UNC5D: variants seen among roughly 807,000 people sequenced by gnomAD.
UNC5D encodes the protein unc-5 netrin receptor D.
UNC5D carries 39 observed loss-of-function variants against 105.4 expected under a neutral mutation model. The observed-to-expected ratio is 0.37, with a 90% CI of 0.29 to 0.48. UNC5D has a LOEUF of 0.48. UNC5D is among the 20% of genes least tolerant of loss of function. The pLI is 0.98. For synonymous variants in UNC5D, 452 were observed against 450.4 expected (o/e 1.00, Z -0.04); for missense variants, 991 against 1,202.4 (o/e 0.82, Z 2.60).
At chr8:35,675,206 G>A (rs971840042) in intron 4 of UNC5D, among the ~76,000 whole-genome samples, 1 of 152,104 alleles carries the variant, frequency 6.6e-6, no homozygotes, top group African/African-American at 2.4e-5. Context: ...TCATTTCTAT[G>A]CTCAGCTCTG....
intron 1 of UNC5D, among the ~76,000 whole-genome samples, chr8:35,357,130 G>A (rs1801601562): frequency 6.6e-6 from 1 of 152,014 alleles, no homozygotes; most frequent in African/African-American, 2.4e-5. Flanking sequence ...TGATTTCCCT[G>A]TTAACCAGTT....
At chr8:35,720,750 G>A (rs1211040816) in intron 8 of UNC5D, among the ~76,000 whole-genome samples, 1 of 152,078 alleles carries the variant, frequency 6.6e-6, no homozygotes, top group African/African-American at 2.4e-5. Flanking sequence ...AGCTGGAATG[G>A]AAGTTTAAAT....
intron 1 of UNC5D, among the ~76,000 whole-genome samples, chr8:35,515,002 C>CA (rs1813018948): frequency 6.6e-6 from 1 of 152,182 alleles, no homozygotes; most frequent in Non-Finnish European, 1.5e-5. Context: ...TACCTGATAT[C>CA]AGAGTCCAGC....
intron 1 of UNC5D, among the ~76,000 whole-genome samples, chr8:35,466,713 A>AT (rs1448772361): frequency 3.3e-5 from 5 of 152,156 alleles, no homozygotes; most frequent in Non-Finnish European, 5.9e-5. Context: ...TAATTTACAG[A>AT]TTTTTTCATA....
At chr8:35,246,993 A>G (rs76842039) in intron 1 of UNC5D, among the ~76,000 whole-genome samples, 4,556 of 152,164 alleles carry the variant, frequency 0.03, 90 homozygotes, top group Non-Finnish European at 0.044. Context: ...AAATTTGTAC[A>G]TGAGAAAAAA....
In UNC5D at chr8:35,748,543, T is replaced by C; in HGVS notation, c.1783T>C (p.Ser595Pro). The C allele has an allele frequency of 6.2e-7, 1 of 1,613,920 alleles. No individual in the cohort carries two copies. The change falls in exon 12 of 17, where the codon TCT becomes CCT. Residue 595 changes from serine to proline, a missense_variant. Around this residue, in one of 3 missense-constraint regions of UNC5D, gnomAD observed 944 missense variants for 1,131.6 expected, o/e 0.83. Coordinates refer to ENST00000404895, the MANE Select transcript of UNC5D (RefSeq NM_080872.4). Reference sequence around the variant, plus strand: ...ACTGTGAAGCCTCCAGTCAGATGGCTCTGAGGTGCTCCTGAGTCCTGAAGT... The same window carrying C: ...ACTGTGAAGCCTCCAGTCAGATGGCCCTGAGGTGCTCCTGAGTCCTGAAGT... ...QGEPSLQSDG[S>P]EVLLSPEVTC...
intron 1 of UNC5D, among the ~76,000 whole-genome samples, chr8:35,510,126 A>C (rs1812596817): frequency 6.6e-6 from 1 of 151,944 alleles, no homozygotes; most frequent in Non-Finnish European, 1.5e-5. Context: ...TTTTCATTAC[A>C]TCCTTGGCTA....
chr8:35,360,905 T>C (rs1313356602), intron 1 of UNC5D, among the ~76,000 whole-genome samples: 1 of 152,154 alleles, frequency 6.6e-6, no homozygotes, highest in African/African-American at 2.4e-5. Context: ...AGAACTGTGA[T>C]TGGAACACTA....
chr8:35,391,056 G>A (rs1803740043), intron 1 of UNC5D, among the ~76,000 whole-genome samples: 1 of 152,192 alleles, frequency 6.6e-6, no homozygotes, highest in African/African-American at 2.4e-5. Context: ...TAACCAGGAA[G>A]TACAGGAGGG....
intron 1 of UNC5D, among the ~76,000 whole-genome samples, chr8:35,279,822 C>T (rs976389559): frequency 1.8e-4 from 27 of 152,268 alleles, no homozygotes; most frequent in Non-Finnish European, 4.0e-4. Flanking sequence ...TTCCAATTAG[C>T]TAGAGCAAAT....
At chr8:35,567,075 C>CAAA (rs374314252) in intron 2 of UNC5D, among the ~76,000 whole-genome samples, 3 of 126,636 alleles carry the variant, frequency 2.4e-5, no homozygotes, top group African/African-American at 8.7e-5. Context: ...TGTAAAGTAA[C>CAAA]AAAAAAAAAA....
chr8:35,307,734 G>C (rs1178791552), intron 1 of UNC5D, among the ~76,000 whole-genome samples: 1 of 152,128 alleles, frequency 6.6e-6, no homozygotes, highest in South Asian at 2.1e-4. Flanking sequence ...AGTCTTTTGG[G>C]TAGGTGAGGG....
chr8:35,637,423 C>T (rs1408669453), intron 4 of UNC5D, among the ~76,000 whole-genome samples: 6 of 152,196 alleles, frequency 3.9e-5, no homozygotes, highest in East Asian at 1.9e-4. Flanking sequence ...CTAAAATCTC[C>T]GAAGTACTTG....
chr8:35,563,036 G>A (rs1426326172), intron 2 of UNC5D, among the ~76,000 whole-genome samples: 3 of 151,782 alleles, frequency 2.0e-5, no homozygotes, highest in Non-Finnish European at 4.4e-5. Flanking sequence ...AGTTTTCCCG[G>A]AACCATTTAT....
chr8:35,760,192 G>A (rs1472619255), intron 14 of UNC5D, among the ~76,000 whole-genome samples: 9 of 151,776 alleles, frequency 5.9e-5, no homozygotes, highest in African/African-American at 1.9e-4. Flanking sequence ...ACAGGTGCCC[G>A]TCACCATGCC....
rs565997808 is a variant in UNC5D, at chr8:35,512,926, C to T, written c.104-36366C>T. ...GACCTCCGGACCTCAAGCAATCTGC[C>T]TACCTCAGCCTCCCAATGTGCTGGG... On this transcript the variant is annotated intron_variant, in intron 1 of 16. Transcript: ENST00000404895. Among the ~76,000 whole-genome samples, 139 of 152,050 alleles carry T rather than the reference C, an allele frequency of 9.1e-4. 1 individual carries two copies. The highest frequency in any genetic ancestry group is 3.4e-3 in the Middle Eastern group (1 of 294).
intron 1 of UNC5D, among the ~76,000 whole-genome samples, chr8:35,540,041 T>C (rs539914601): frequency 2.6e-5 from 4 of 152,180 alleles, no homozygotes; most frequent in Non-Finnish European, 5.9e-5. Flanking sequence ...CATTTTTCCA[T>C]AACTATGAAT....
chr8:35,585,550 GTGTA>G (rs898226406), intron 3 of UNC5D, among the ~76,000 whole-genome samples: 41 of 142,198 alleles, frequency 2.9e-4, no homozygotes, highest in East Asian at 2.5e-3. Context: ...GTGTGTGTGT[GTGTA>G]TATATGTACA....
intron 4 of UNC5D, among the ~76,000 whole-genome samples, chr8:35,611,010 C>CAAAAAAAAAAAAAAAAAA (rs11314770): frequency 1.7e-5 from 1 of 60,100 alleles, no homozygotes; most frequent in Non-Finnish European, 3.1e-5. Flanking sequence ...GACAAAGAAG[C>CAAAAAAAAAAAAAAAAAA]AAAAAAAAAA....
Sources: allele counts gnomAD v4.1 joint callset (sites outside exome capture counted in the v4.1 genomes callset), GRCh38; gene constraint gnomAD v4.1.1; regional missense constraint gnomAD v4.1.1; transcripts MANE v1.5; gene names NCBI Gene and HGNC (gene_info 2026-07-23, HGNC 2026-07-21).